SLC19A3: variants seen among roughly 807,000 people sequenced by gnomAD.
SLC19A3 encodes solute carrier family 19 member 3.
Under a neutral mutation model 40.2 loss-of-function variants are expected in SLC19A3, and 31 were observed. The observed-to-expected ratio is 0.77, with a 90% CI of 0.58 to 1.04. SLC19A3 has a LOEUF of 1.04. Ranked by LOEUF, SLC19A3 falls within the 50% of genes least tolerant of loss-of-function variation. The pLI is 0.00. For missense variants in SLC19A3, 592 were observed against 596.7 expected (o/e 0.99, Z 0.08); for synonymous variants, 212 against 227.5 (o/e 0.93, Z 0.61).
intron 5 of SLC19A3, 54 bp from the exon 6 acceptor site, chr2:227,687,627 G>C: frequency 6.4e-7 from 1 of 1,569,198 alleles, no homozygotes; most frequent in South Asian, 1.1e-5. Context: ...CTATGTCAAT[G>C]ATAATACATC....
At chr2:227,695,497 G>A (rs531876677) in intron 4 of SLC19A3, 1 of 208,964 alleles carries the variant, frequency 4.8e-6, no homozygotes, top group African/African-American at 2.4e-5. Context: ...AGCTACTCAG[G>A]AGGTTGAGGT....
chr2:227,695,651 C>A, intron 4 of SLC19A3: 1 of 527,738 alleles, frequency 1.9e-6, no homozygotes, highest in Non-Finnish European at 3.4e-6. Context: ...TGTATCACTG[C>A]TTTTGGTCTA....
At chr2:227,699,613 A>T in intron 2 of SLC19A3, 49 bp from the exon 3 acceptor site, 1 of 1,505,530 alleles carries the variant, frequency 6.6e-7, no homozygotes, top group Non-Finnish European at 9.2e-7. Context: ...TACTTTACTA[A>T]GGTACCTGTG....
intron 1 of SLC19A3, among the ~76,000 whole-genome samples, chr2:227,717,422 TTTA>T (rs1316956236): frequency 2.6e-5 from 4 of 152,218 alleles, no homozygotes; most frequent in Non-Finnish European, 1.5e-5. Flanking sequence ...TGTCACACTA[TTTA>T]TTATTTGATG....
intron 2 of SLC19A3, chr2:227,701,050 T>C (rs1482547728): frequency 4.6e-6 from 6 of 1,304,076 alleles, no homozygotes; most frequent in African/African-American, 1.5e-5. Context: ...AGTGGATTCA[T>C]TGAGTTGCTT....
At position 227,698,864 on chromosome 2, in the gene SLC19A3, C is replaced by T; in HGVS notation, c.851G>A (p.Trp284Ter). The change falls in exon 3 of 6, where the codon TGG (tryptophan) becomes TAG (stop). Residue 284 changes from tryptophan (W) to a stop codon, truncating the protein, a stop_gained. Transcript: ENST00000644224. LOFTEE classifies it high-confidence loss of function. Reference sequence around the variant, plus strand: ...AAAACCTGCTGTGGCGAAAGCCCACCATAGAGACCAGTAGAAAAGACGTTT... The same window carrying T: ...AAAACCTGCTGTGGCGAAAGCCCACTATAGAGACCAGTAGAAAAGACGTTT... ...SSKRLFYWSL[W>*]WAFATAGFNQ... The T allele has an allele frequency of 6.2e-7, 1 of 1,614,140 alleles. No individual in the cohort carries two copies. The highest frequency in any genetic ancestry group is 2.2e-5 in the East Asian group (1 of 44,868).
At chr2:227,689,342 A>G (rs989019548) in intron 4 of SLC19A3, among the ~76,000 whole-genome samples, 2 of 152,214 alleles carry the variant, frequency 1.3e-5, no homozygotes, top group African/African-American at 4.8e-5. Context: ...GGTTAAGGAT[A>G]AAGAAAGGAT....
At chr2:227,713,028 T>C (rs1276908497) in intron 1 of SLC19A3, among the ~76,000 whole-genome samples, 1 of 152,184 alleles carries the variant, frequency 6.6e-6, no homozygotes, top group Non-Finnish European at 1.5e-5. Flanking sequence ...GCATTCATAC[T>C]ATACACTTAT....
At chr2:227,702,783 C>T (rs1337036707) in intron 1 of SLC19A3, 1 of 168,406 alleles carries the variant, frequency 5.9e-6, no homozygotes, top group Non-Finnish European at 1.3e-5. Flanking sequence ...ATCATGTGCA[C>T]AGGAAAATTC....
chr2:227,713,759 T>C (rs1448077800), intron 1 of SLC19A3, among the ~76,000 whole-genome samples: 1 of 149,684 alleles, frequency 6.7e-6, no homozygotes, highest in Non-Finnish European at 1.5e-5. Context: ...AGAAAACAGA[T>C]TAAGAAAAAA....
chr2:227,699,218 T>C lies in SLC19A3; in HGVS notation c.497A>G (p.Asn166Ser), dbSNP rs1695571204. The C allele has an allele frequency of 6.2e-7, 1 of 1,613,978 alleles. No individual in the cohort carries two copies. The highest frequency in any genetic ancestry group is 1.3e-5 in the African/African-American group (1 of 74,910). The change falls in exon 3 of 6, where the codon AAC (asparagine) becomes AGC (serine). Residue 166 changes from asparagine to serine, a missense_variant. Coordinates refer to ENST00000644224, the MANE Select transcript of SLC19A3 (RefSeq NM_025243.4). ...GACGTTGAGGTAAAAGTACGACATG[T>C]TCGCCAGGGATACCAAGAGTTGAGC... Reference protein sequence around the residue: ...VLAQLLVSLANMSYFYLNVIS... With the variant: ...VLAQLLVSLASMSYFYLNVIS...
At chr2:227,712,182 T>A (rs923407754) in intron 1 of SLC19A3, among the ~76,000 whole-genome samples, 2 of 149,220 alleles carry the variant, frequency 1.3e-5, no homozygotes, top group African/African-American at 5.0e-5. Context: ...AGCAGGAGGG[T>A]CACTTGAGCC....
chr2:227,695,961 G>A lies in SLC19A3; in HGVS notation c.1100C>T (p.Ala367Val), dbSNP rs201089756. 6.2e-7 allele frequency: 1 copy of A among 1,614,006 alleles called. No individual in the cohort carries two copies. Among genetic ancestry groups the A allele is most frequent in the Non-Finnish European group, 8.5e-7 (1 of 1,180,034 alleles). ...GCCAGCATAGCACGCCCAGATATTG[G>A]CTGTGTAATGCATGAGAAATAAAGA... ...AGSLFLMHYT[A>V]NIWACYAGYL... The change falls in exon 4 of 6, where the codon GCC becomes GTC. Residue 367 changes from alanine (A) to valine (V), a missense_variant. Physicochemically the swap from Ala to Val is moderately conservative, Grantham distance 64. Transcript: ENST00000644224.
Position 227,688,311 on chromosome 2 carries a change from T to C in SLC19A3, c.1173-4A>G, listed in dbSNP as rs367737262. On this transcript the variant is annotated splice_region_variant and splice_polypyrimidine_tract_variant and intron_variant, in intron 4 of 5. Transcript: ENST00000644224. The stretch of plus-strand genomic sequence containing the variant: ...CAGATTAACTGCAATCTGAAATCTA[T>C]CATTAAACATAAATAAGCATTTTAA... 2.2e-5 allele frequency: 36 copies of C among 1,613,408 alleles called. No individual in the cohort carries two copies. The highest frequency in any genetic ancestry group is 2.7e-5 in the Non-Finnish European group (32 of 1,179,514).
intron 2 of SLC19A3, 113 bp from the exon 3 acceptor site, chr2:227,699,677 C>T: frequency 1.1e-6 from 1 of 910,576 alleles, no homozygotes; most frequent in South Asian, 1.3e-5. Flanking sequence ...TACGGAGAAA[C>T]ATAATGAGAA....
chr2:227,706,173 T>C, intron 1 of SLC19A3: 1 of 498,266 alleles, frequency 2.0e-6, no homozygotes, highest in Non-Finnish European at 3.1e-6. Flanking sequence ...TGGAATAGAC[T>C]GTTCTTTTGT....
chr2:227,693,220 A>C (rs1695299057), intron 4 of SLC19A3, among the ~76,000 whole-genome samples: 2 of 152,210 alleles, frequency 1.3e-5, no homozygotes, highest in Admixed American at 1.3e-4. Context: ...ATGAAACCAC[A>C]GAAGACCCAG....
rs570230855 is a variant in SLC19A3, at chr2:227,717,998, C to G, written c.-58G>C. ...GCTCACTTGCCGCACGACCACGCACCCGCGGCTGTCGGATGGATCCAGGCG... is the reference window on the plus strand; with the variant it reads ...GCTCACTTGCCGCACGACCACGCACGCGCGGCTGTCGGATGGATCCAGGCG... On this transcript the variant is annotated 5_prime_UTR_variant, in exon 1 of 6. Coordinates refer to ENST00000644224, the MANE Select transcript of SLC19A3 (RefSeq NM_025243.4). 1.0e-6 allele frequency: 1 copy of G among 985,192 alleles called. No individual in the cohort carries two copies. The highest frequency in any genetic ancestry group is 1.2e-6 in the Non-Finnish European group (1 of 829,718). The allele number at this position is 985,192 out of a possible 1,614,324, so 61.0% of individuals were successfully genotyped here. A position where few individuals can be genotyped will look rare whatever the true frequency, so the allele number is the denominator to read the frequency against.
Position 227,702,216 on chromosome 2 carries a change from G to A in SLC19A3, c.103C>T (p.Leu35Phe), listed in dbSNP as rs376764604. Residue 35 changes from leucine (L) to phenylalanine (F), a missense_variant, in exon 2 of 6, where the codon CTT becomes TTT. Leu to Phe is a conservative substitution (Grantham distance 22, BLOSUM62 0). Transcript: ENST00000644224. ...TCTGGTCCAGATAAATATGGGATAAGGAATGGTTCTGAGGGTCTCATCATG... is the reference window on the plus strand; with the variant it reads ...TCTGGTCCAGATAAATATGGGATAAAGAATGGTTCTGAGGGTCTCATCATG... ...FSMMRPSEPF[L>F]IPYLSGPDKN... is the part of the protein sequence containing the mutation. 1.4e-5 allele frequency: 22 copies of A among 1,613,778 alleles called. No individual in the cohort carries two copies. Among genetic ancestry groups the A allele is most frequent in the Non-Finnish European group, 1.8e-5 (21 of 1,179,844 alleles).
Sources: gnomAD v4.1 joint callset for allele counts (sites outside exome capture counted in the v4.1 genomes callset) on GRCh38, gnomAD v4.1.1 for gene constraint, MANE v1.5 for transcripts, NCBI Gene and HGNC (gene_info 2026-07-23, HGNC 2026-07-21) for gene names.